Variants in GNB1 observed in about 807,000 individuals in gnomAD.
The protein encoded by GNB1 is G protein subunit beta 1, also known as guanine nucleotide-binding protein G(I)/G(S)/G(T) subunit beta-1.
In GNB1, 2 loss-of-function variants were observed where a neutral mutation model predicts 42.9. That is an observed-to-expected ratio of 0.05 (90% confidence interval 0.02 to 0.15). The LOEUF is 0.15. GNB1 is among the 10% of genes least tolerant of loss of function. The pLI, the probability that GNB1 is intolerant of heterozygous loss-of-function variation, is 1.00. For synonymous variants in GNB1, 183 were observed against 174.7 expected, an observed-to-expected ratio of 1.05 and a Z score of -0.38; for missense variants, 193 against 462.2, an observed-to-expected ratio of 0.42 and a Z score of 5.34.
At chr1:1,882,326 G>A (rs1649890845) in intron 1 of GNB1, among the ~76,000 whole-genome samples, 1 of 151,772 alleles carries the variant, frequency 6.6e-6, no homozygotes, top group African/African-American at 2.4e-5. Context: ...TATTTGGGAG[G>A]CTGAGGCAGG....
rs907290609 is a variant in GNB1, at chr1:1,828,578, G to C, written c.-46-3079C>G. On this transcript the variant is annotated intron_variant, in intron 2 of 11. Coordinates refer to ENST00000378609, the MANE Select transcript of GNB1 (RefSeq NM_002074.5). ...AACTTAGTGACCTCACAAAATTTCA[G>C]AAGTAGTAATGCCAAAACTCGCTAA... is the stretch of plus-strand genomic sequence containing the variant. 5.9e-5 allele frequency among the ~76,000 whole-genome samples: 9 copies of C among 152,176 alleles called. No homozygotes were observed. The South Asian group carries it at 1.7e-3, about 28-fold the overall frequency.
At chr1:1,842,961 C>T (rs1361880553) in intron 1 of GNB1, among the ~76,000 whole-genome samples, 2 of 152,178 alleles carry the variant, frequency 1.3e-5, no homozygotes, top group Non-Finnish European at 2.9e-5. Context: ...TCAACCTCAG[C>T]ACAATGAACA....
intron 1 of GNB1, among the ~76,000 whole-genome samples, chr1:1,850,938 C>T (rs985821354): frequency 2.0e-5 from 3 of 152,182 alleles, no homozygotes; most frequent in African/African-American, 7.2e-5. Context: ...CAGGGGAAGG[C>T]TGCCTTCAAC....
At chr1:1,843,880 T>TG in intron 1 of GNB1, among the ~76,000 whole-genome samples, 1 of 151,660 alleles carries the variant, frequency 6.6e-6, no homozygotes, top group African/African-American at 2.4e-5. Flanking sequence ...GCCAACATGG[T>TG]GAAACCCTCT....
At chr1:1,855,938 G>A (rs1281761808) in intron 1 of GNB1, among the ~76,000 whole-genome samples, 1 of 152,248 alleles carries the variant, frequency 6.6e-6, no homozygotes, top group Non-Finnish European at 1.5e-5. Context: ...AGGGAGCTCA[G>A]GGCAGGGCCC....
rs1646409365 is a variant in GNB1 at position 1,786,513 on chromosome 1, G to A, written c.*550C>T. On this transcript the variant is annotated 3_prime_UTR_variant, in exon 12 of 12. Coordinates refer to ENST00000378609, the MANE Select transcript of GNB1 (RefSeq NM_002074.5). ...AATTTACATCATTGACAACATCAGA[G>A]AGGCTGCCCTAGACTCTCTGGTTTT... 6.3e-6 allele frequency: 1 copy of A among 159,256 alleles called. No homozygotes were observed. The highest frequency in any genetic ancestry group is 1.4e-5 in the Non-Finnish European group (1 of 72,670). The allele number at this position is 159,256 out of a possible 1,614,324, so 9.9% of individuals were successfully genotyped here.
At chr1:1,830,265 A>ATT (rs746065828) in intron 2 of GNB1, among the ~76,000 whole-genome samples, 1 of 143,846 alleles carries the variant, frequency 7.0e-6, no homozygotes. Context: ...ATAATATTAC[A>ATT]TTTTTTTTTT....
Position 1,860,628 on chromosome 1 carries a change from C to T in GNB1, c.-95-21390G>A, listed in dbSNP as rs549795211. ...CTCCAGCCTGGGCAACAGAGCAAGA[C>T]TCCATCTCCAACAAAAAAAAAAAAA... On this transcript the variant is annotated intron_variant, in intron 1 of 11. Coordinates refer to ENST00000378609, the MANE Select transcript of GNB1 (RefSeq NM_002074.5). Among the ~76,000 whole-genome samples the T allele has an allele frequency of 2.3e-3, 345 of 147,734 alleles. 1 individual carries two copies. The highest frequency in any genetic ancestry group is 4.3e-3 in the Non-Finnish European group (286 of 67,134).
At chr1:1,887,129 A>G (rs1353781042) in intron 1 of GNB1, among the ~76,000 whole-genome samples, 1 of 152,228 alleles carries the variant, frequency 6.6e-6, no homozygotes, top group Non-Finnish European at 1.5e-5. Context: ...AAAAATTGAG[A>G]ATATCTATTA....
At chr1:1,813,265 G>A (rs1005345808) in intron 5 of GNB1, among the ~76,000 whole-genome samples, 3 of 151,362 alleles carry the variant, frequency 2.0e-5, no homozygotes, top group African/African-American at 7.3e-5. Context: ...CAGCTACCAT[G>A]CCCAGCTAAT....
At chr1:1,822,126 C>T (rs1646937519) in intron 3 of GNB1, among the ~76,000 whole-genome samples, 1 of 152,002 alleles carries the variant, frequency 6.6e-6, no homozygotes, top group South Asian at 2.1e-4. Context: ...ATGAAAAAAA[C>T]CTTGTTAGGG....
intron 1 of GNB1, among the ~76,000 whole-genome samples, chr1:1,883,550 G>C (rs560441792): frequency 2.6e-5 from 4 of 152,280 alleles, no homozygotes; most frequent in African/African-American, 9.6e-5. Flanking sequence ...GCTAATCCTT[G>C]CACTGAGCTC....
chr1:1,887,985 T>G (rs1161503067), intron 1 of GNB1, among the ~76,000 whole-genome samples: 1 of 152,210 alleles, frequency 6.6e-6, no homozygotes, highest in Non-Finnish European at 1.5e-5. Flanking sequence ...CTTCTAAGAT[T>G]AAAATTAAAT....
chr1:1,853,054 C>T (rs1334760658), intron 1 of GNB1, among the ~76,000 whole-genome samples: 1 of 152,104 alleles, frequency 6.6e-6, no homozygotes, highest in African/African-American at 2.4e-5. Flanking sequence ...GCAGTCCCTC[C>T]CAGCTCTCCT....
At chr1:1,802,100 T>C (rs1162890997) in intron 7 of GNB1, among the ~76,000 whole-genome samples, 1 of 152,140 alleles carries the variant, frequency 6.6e-6, no homozygotes, top group African/African-American at 2.4e-5. Context: ...ACAGGAAAGT[T>C]AGAAAATCCA....
chr1:1,882,140 T>C, intron 1 of GNB1, among the ~76,000 whole-genome samples: 1 of 152,138 alleles, frequency 6.6e-6, no homozygotes, highest in Non-Finnish European at 1.5e-5. Flanking sequence ...GCTCACAGCC[T>C]CAGCACCCAG....
intron 1 of GNB1, among the ~76,000 whole-genome samples, chr1:1,865,501 G>A (rs762783200): frequency 5.9e-5 from 9 of 151,990 alleles, no homozygotes; most frequent in South Asian, 2.1e-4. Flanking sequence ...CAGGAGAATC[G>A]CTTGAACCCG....
chr1:1,827,565 C>T (rs1039109359), intron 2 of GNB1, among the ~76,000 whole-genome samples: 5 of 152,154 alleles, frequency 3.3e-5, no homozygotes, highest in Admixed American at 3.3e-4. Flanking sequence ...CCCTGGTTTT[C>T]ACATATAAAT....
intron 1 of GNB1, among the ~76,000 whole-genome samples, chr1:1,863,362 G>T (rs1648734255): frequency 6.6e-6 from 1 of 152,140 alleles, no homozygotes; most frequent in Admixed American, 6.5e-5. Context: ...GAGATAATTT[G>T]ACTGATTTTA....
Sources: gnomAD v4.1 joint callset for allele counts (sites outside exome capture counted in the v4.1 genomes callset) on GRCh38, gnomAD v4.1.1 for gene constraint, MANE v1.5 for transcripts, NCBI Gene and HGNC (gene_info 2026-07-23, HGNC 2026-07-21) for gene names.